KIF16B: variants seen among roughly 807,000 people sequenced by gnomAD.
KIF16B encodes kinesin family member 16B.
In KIF16B, 98 loss-of-function variants were observed where a neutral mutation model predicts 156.3. The ratio of observed to expected loss-of-function variants is 0.63; its 90% CI spans 0.53 to 0.74. The LOEUF (loss-of-function observed/expected upper bound fraction) is 0.74. KIF16B is among the 30% of genes least tolerant of loss of function. KIF16B has a pLI of 0.00. For synonymous variants in KIF16B, 564 were observed against 583.7 expected, an observed-to-expected ratio of 0.97 and a Z score of 0.49; for missense variants, 1,421 against 1,606.5, an observed-to-expected ratio of 0.88 and a Z score of 1.97.
At position 16,506,092 on chromosome 20, in the gene KIF16B, C is replaced by G. The variant is rs1478816743; in HGVS notation, c.798G>C (p.Gly266=). The G allele has an allele frequency of 1.2e-6, 2 of 1,614,006 alleles. No individual in the cohort carries two copies. Among genetic ancestry groups the G allele is most frequent in the South Asian group, 1.1e-5 (1 of 91,076 alleles). ...SERADATGAT[G]VRLKEGGNIN... is the part of the protein sequence containing the mutation. ...TATTTCCCCCTTCCTTTAGCCTAACCCCGGTGGCTCCGGTGGCATCTGCAC... is the reference window on the plus strand; with the variant it reads ...TATTTCCCCCTTCCTTTAGCCTAACGCCGGTGGCTCCGGTGGCATCTGCAC... Residue 266 remains glycine, a synonymous_variant, in exon 8 of 26, where the codon GGG becomes GGC. Transcript: ENST00000354981.
chr20:16,469,915 A>G (rs1341887344), intron 12 of KIF16B, among the ~76,000 whole-genome samples: 1 of 152,226 alleles, frequency 6.6e-6, no homozygotes, highest in Non-Finnish European at 1.5e-5. Flanking sequence ...AAATCGTGGA[A>G]GCAACCCAAA....
At chr20:16,406,515 A>T in intron 15 of KIF16B, 59 bp from the exon 16 acceptor site, 1 of 1,329,226 alleles carries the variant, frequency 7.5e-7, no homozygotes, top group African/African-American at 1.4e-5. Flanking sequence ...AGTTGCCAAT[A>T]CCATAACATG....
At chr20:16,538,338 C>A (rs1199985471) in intron 1 of KIF16B, among the ~76,000 whole-genome samples, 1 of 152,152 alleles carries the variant, frequency 6.6e-6, no homozygotes, top group Non-Finnish European at 1.5e-5. Context: ...AGAAACACAG[C>A]AAATAAATCC....
At chr20:16,527,262 C>T (rs1395127038) in intron 2 of KIF16B, among the ~76,000 whole-genome samples, 5 of 152,188 alleles carry the variant, frequency 3.3e-5, no homozygotes, top group Non-Finnish European at 7.3e-5. Context: ...GTGGAGAATG[C>T]CTCAGGCAAA....
intron 3 of KIF16B, among the ~76,000 whole-genome samples, chr20:16,523,908 AAAAC>A (rs1216001164): frequency 6.6e-6 from 1 of 152,216 alleles, no homozygotes; most frequent in African/African-American, 2.4e-5. Context: ...CAACCTGACA[AAAAC>A]AAGCAATGGG....
At chr20:16,553,493 G>C (rs111894128) in intron 1 of KIF16B, among the ~76,000 whole-genome samples, 4 of 152,316 alleles carry the variant, frequency 2.6e-5, no homozygotes, top group African/African-American at 9.6e-5. Flanking sequence ...GAGCCCAATG[G>C]AGAGACAGAC....
chr20:16,314,216 G>A (rs917412846), intron 24 of KIF16B, among the ~76,000 whole-genome samples: 1 of 152,170 alleles, frequency 6.6e-6, no homozygotes, highest in Admixed American at 6.5e-5. Flanking sequence ...TTGACATCTG[G>A]TTAGTCATTT....
chr20:16,322,879 T>C (rs1461332184), intron 24 of KIF16B, among the ~76,000 whole-genome samples: 2 of 152,020 alleles, frequency 1.3e-5, no homozygotes, highest in Non-Finnish European at 2.9e-5. Flanking sequence ...GCAGGTGGTC[T>C]TGGAGGCAAC....
chr20:16,451,816 C>G (rs1271013409), intron 12 of KIF16B, among the ~76,000 whole-genome samples: 1 of 151,924 alleles, frequency 6.6e-6, no homozygotes, highest in African/African-American at 2.4e-5. Context: ...CTTTAATATT[C>G]AGTATTTTAA....
At chr20:16,488,733 A>T (rs6111161) in intron 12 of KIF16B, among the ~76,000 whole-genome samples, 13,301 of 152,270 alleles carry the variant, frequency 0.087, 1,412 homozygotes, top group African/African-American at 0.26. Context: ...CATTGATGTC[A>T]AGGCTGGATT....
In KIF16B at chr20:16,437,997, A is replaced by C. The variant is rs545839848; in HGVS notation, c.1303-8015T>G. On this transcript the variant is annotated intron_variant, in intron 12 of 25. Coordinates refer to ENST00000354981, the MANE Select transcript of KIF16B (RefSeq NM_024704.5). The stretch of plus-strand genomic sequence containing the variant: ...AAAATAAAAAAAAATAATAAAAAAA[A>C]AAAAACAGGTGTGGTGGCGTGCACC... 3.9e-3 allele frequency among the ~76,000 whole-genome samples: 587 copies of C among 151,704 alleles called. 4 individuals are homozygous for C. Among genetic ancestry groups the C allele is most frequent in the African/African-American group, 0.013 (548 of 41,396 alleles).
chr20:16,469,254 T>TAAAAAAAACAAAAAAAAA (rs2067586980), intron 12 of KIF16B, among the ~76,000 whole-genome samples: 1 of 66,080 alleles, frequency 1.5e-5, no homozygotes, highest in Non-Finnish European at 3.0e-5. Context: ...CCCTGTGTCT[T>TAAAAAAAACAAAAAAAAA]AAAAAAAAAA....
At chr20:16,332,373 T>C (rs1568858189) in intron 24 of KIF16B, among the ~76,000 whole-genome samples, 1 of 152,208 alleles carries the variant, frequency 6.6e-6, no homozygotes, top group South Asian at 2.1e-4. Context: ...GTTGGAGTTA[T>C]GGCTATGGAC....
intron 24 of KIF16B, among the ~76,000 whole-genome samples, chr20:16,322,802 C>T (rs1027402375): frequency 3.9e-5 from 6 of 152,082 alleles, no homozygotes; most frequent in East Asian, 3.9e-4. Flanking sequence ...GGAAAAGTTT[C>T]CTGTTTTTGA....
chr20:16,550,368 G>T (rs1600679902), intron 1 of KIF16B, among the ~76,000 whole-genome samples: 2 of 151,746 alleles, frequency 1.3e-5, no homozygotes, highest in African/African-American at 4.8e-5. Flanking sequence ...GAGAGGATGT[G>T]GAGAAATAGG....
intron 12 of KIF16B, among the ~76,000 whole-genome samples, chr20:16,460,021 TA>T (rs1171043292): frequency 1.3e-5 from 2 of 152,246 alleles, no homozygotes; most frequent in African/African-American, 2.4e-5. Context: ...TTACTGTGGG[TA>T]AAAAGGTAGT....
intron 1 of KIF16B, among the ~76,000 whole-genome samples, chr20:16,537,445 G>A (rs992430636): frequency 6.6e-6 from 1 of 152,074 alleles, no homozygotes; most frequent in Non-Finnish European, 1.5e-5. Flanking sequence ...GACTCTGCCT[G>A]TCTGGGTTTA....
chr20:16,336,065 C>T (rs1198987558), intron 23 of KIF16B, 50 bp from the exon 24 acceptor site: 1 of 1,121,456 alleles, frequency 8.9e-7, no homozygotes, highest in African/African-American at 1.6e-5. Context: ...GCAAAAGTCA[C>T]TAAAATTTTT....
intron 12 of KIF16B, among the ~76,000 whole-genome samples, chr20:16,437,686 T>A (rs1441792110): frequency 6.6e-6 from 1 of 152,186 alleles, no homozygotes; most frequent in Admixed American, 6.5e-5. Flanking sequence ...AAAAGATTTT[T>A]ATTGCTAGGC....
Sources: gnomAD v4.1 joint callset for allele counts (sites outside exome capture counted in the v4.1 genomes callset) on GRCh38, gnomAD v4.1.1 for gene constraint, MANE v1.5 for transcripts, NCBI Gene and HGNC (gene_info 2026-07-23, HGNC 2026-07-21) for gene names.